Variants in ATM observed in about 807,000 individuals in gnomAD.
ATM encodes serine-protein kinase ATM.
Under a neutral mutation model 387.0 loss-of-function variants are expected in ATM, and 308 were observed. The ratio of observed to expected loss-of-function variants is 0.80; its 90% CI spans 0.73 to 0.87. The LOEUF (loss-of-function observed/expected upper bound fraction) is 0.87, where lower values mean the gene tolerates loss of function less well. Ranked by LOEUF, ATM falls within the 40% of genes least tolerant of loss-of-function variation. ATM has a pLI of 0.00. For missense variants in ATM, 3,312 were observed against 3,560.9 expected (o/e 0.93, Z 1.78); for synonymous variants, 1,156 against 1,187.3 (o/e 0.97, Z 0.54).
intron 4 of ATM, among the ~76,000 whole-genome samples, chr11:108,231,977 T>G (rs2135074801): frequency 6.6e-6 from 1 of 152,324 alleles, no homozygotes; most frequent in South Asian, 2.1e-4. Flanking sequence ...GTAAAATATT[T>G]TATTTGCTAA....
rs2135366155 is a variant in ATM at position 108,253,832 on chromosome 11, TAAA to T, written c.1918_1920del (p.Lys640del). The T allele has an allele frequency of 6.2e-7, 1 of 1,613,674 alleles. No individual in the cohort carries two copies. The highest frequency in any genetic ancestry group is 8.5e-7 in the Non-Finnish European group (1 of 1,179,860). ...CTTGAAGTGAACACCACCAAAAAGA[TAAA>T]GAAGAACTTTCATTCTCAGAAGTAG... On this transcript the variant is annotated inframe_deletion, in exon 13 of 63. Coordinates refer to ENST00000675843, the MANE Select transcript of ATM (RefSeq NM_000051.4).
rs913445347 is a variant in ATM, at chr11:108,258,032, G to A, written c.2376+426G>A. Among the ~76,000 whole-genome samples, 3 of 152,130 alleles carry A rather than the reference G, an allele frequency of 2.0e-5. No homozygotes were observed. The South Asian group carries it at 6.3e-4, about 32-fold the overall frequency. On this transcript the variant is annotated intron_variant, in intron 15 of 62. Coordinates refer to ENST00000675843, the MANE Select transcript of ATM (RefSeq NM_000051.4). ...CCACCTCAGCCTCCTTAGTAGCTGG[G>A]ACTACAAGTGTACACCACCATGCCT...
rs2082213882 is a variant in ATM at position 108,281,154 on chromosome 11, C to T, written c.3562C>T (p.His1188Tyr). ...TGTGAAAGAGAATGGATTAGAACCT[C>T]ACCTTGTGAAAAAGGTATATATGGA... is the stretch of plus-strand genomic sequence containing the variant. Reference protein sequence around the residue: ...KSVKENGLEPHLVKKVLEKVS... With the variant: ...KSVKENGLEPYLVKKVLEKVS... The change falls in exon 24 of 63, where the codon CAC (histidine) becomes TAC (tyrosine). Residue 1188 changes from histidine to tyrosine, a missense_variant. This residue lies in a region of ATM where 1,791 missense variants were observed against 1,804.5 expected (regional missense o/e 0.99). Coordinates refer to ENST00000675843, the MANE Select transcript of ATM (RefSeq NM_000051.4). The T allele has an allele frequency of 6.2e-7, 1 of 1,613,866 alleles. No individual in the cohort carries two copies. Among genetic ancestry groups the T allele is most frequent in the Non-Finnish European group, 8.5e-7 (1 of 1,179,900 alleles).
In ATM at chr11:108,329,090, T is replaced by TAGCC. The variant is rs1591150887; in HGVS notation, c.7159_7160insAGCC (p.Phe2387Ter). On this transcript the variant is annotated stop_gained and frameshift_variant, in exon 49 of 63. Transcript: ENST00000675843. LOFTEE classifies it high-confidence loss of function. ...GCTAAGAAATGGAAAAATGAAGGCATTTCTCTCATTAGCCCGGTTTTCAGA... is the reference window on the plus strand; with the variant it reads ...GCTAAGAAATGGAAAAATGAAGGCATAGCCTTCTCTCATTAGCCCGGTTTTCAGA... 6.2e-7 allele frequency: 1 copy of TAGCC among 1,614,102 alleles called. No homozygotes were observed. The highest frequency in any genetic ancestry group is 8.5e-7 in the Non-Finnish European group (1 of 1,180,012).
rs186529499 is a variant in ATM, at chr11:108,312,199, C to T, written c.5919-212C>T. 1.6e-4 allele frequency among the ~76,000 whole-genome samples: 25 copies of T among 152,224 alleles called. No homozygotes were observed. In the East Asian group the frequency reaches 4.6e-3, roughly 28 times the overall value. ...AATCATATTTTTGCATATAGGCTTC[C>T]CATATGTAGATTATTCTTAAAATAT... On this transcript the variant is annotated intron_variant, in intron 39 of 62. Transcript: ENST00000675843.
At position 108,312,656 on chromosome 11, in the gene ATM, T is replaced by TA. The variant is rs2084276484; in HGVS notation, c.6006+159dup. On this transcript the variant is annotated intron_variant, in intron 40 of 62. Transcript: ENST00000675843. ...AAATTATGGTCTGAAGCTTAAGCCT[T>TA]AGAGTAGACAGACTTGAGTTCTAAT... Among the ~76,000 whole-genome samples, 3 of 147,844 alleles carry TA rather than the reference T, an allele frequency of 2.0e-5. No homozygotes were observed. In the South Asian group the frequency reaches 6.7e-4, roughly 33 times the overall value.
chr11:108,328,796 G>A (rs2085951064), intron 48 of ATM, among the ~76,000 whole-genome samples: 2 of 152,140 alleles, frequency 1.3e-5, no homozygotes, highest in Admixed American at 6.5e-5. Flanking sequence ...ATCTCATAAT[G>A]TTTTAAGAAA....
intron 45 of ATM, among the ~76,000 whole-genome samples, chr11:108,322,536 G>A (rs1209353918): frequency 6.6e-6 from 1 of 152,176 alleles, no homozygotes; most frequent in Non-Finnish European, 1.5e-5. Context: ...TTTGTAAAAG[G>A]TGTTCAGAAG....
At chr11:108,300,043 AT>A (rs1268005408) in intron 34 of ATM, among the ~76,000 whole-genome samples, 158 bp downstream of exon 34, 1 of 152,196 alleles carries the variant, frequency 6.6e-6, no homozygotes, top group Non-Finnish European at 1.5e-5. Context: ...TCACATAATT[AT>A]TTACCCTACT....
At chr11:108,287,519 A>T in intron 26 of ATM, 81 bp from the exon 27 acceptor site, 1 of 831,398 alleles carries the variant, frequency 1.2e-6, no homozygotes, top group South Asian at 1.7e-5. Context: ...TTTTGGAAAT[A>T]AGGTAATATA....
chr11:108,363,589 G>A (rs1330843294), intron 61 of ATM, among the ~76,000 whole-genome samples: 1 of 152,140 alleles, frequency 6.6e-6, no homozygotes, highest in Non-Finnish European at 1.5e-5. Flanking sequence ...AGAGGCCAGG[G>A]ATGCTGCTGA....
intron 55 of ATM, 194 bp downstream of exon 55, chr11:108,335,303 A>G: frequency 1.3e-6 from 2 of 1,492,516 alleles, no homozygotes; most frequent in Non-Finnish European, 1.8e-6. Flanking sequence ...CTGAAAGACA[A>G]TCATTATTAT....
chr11:108,255,645 C>T (rs761802064), intron 13 of ATM, among the ~76,000 whole-genome samples: 3 of 151,962 alleles, frequency 2.0e-5, no homozygotes, highest in Non-Finnish European at 2.9e-5. Flanking sequence ...AGGTTGGTCT[C>T]GAACTCCTGA....
chr11:108,291,730 G>C (rs2082806033), intron 29 of ATM, among the ~76,000 whole-genome samples: 1 of 152,292 alleles, frequency 6.6e-6, no homozygotes, highest in South Asian at 2.1e-4. Context: ...CATGAGAGGA[G>C]AAAACTTTTC....
chr11:108,359,267 C>T (rs2090417658), intron 61 of ATM, among the ~76,000 whole-genome samples: 1 of 151,446 alleles, frequency 6.6e-6, no homozygotes, highest in South Asian at 2.1e-4. Context: ...ATATATGCAC[C>T]CAATACAGGA....
intron 5 of ATM, 63 bp downstream of exon 5, chr11:108,235,897 G>C (rs1307902745): frequency 1.2e-5 from 19 of 1,573,094 alleles, no homozygotes; most frequent in Non-Finnish European, 1.7e-5. Flanking sequence ...ACCAAAGAAA[G>C]CACTCTGTCT....
In ATM at chr11:108,227,629, G is replaced by A. The variant is rs730881360; in HGVS notation, c.5G>A (p.Ser2Asn). The A allele has an allele frequency of 1.9e-6, 3 of 1,613,280 alleles. No homozygotes were observed. Among genetic ancestry groups the A allele is most frequent in the Non-Finnish European group, 2.5e-6 (3 of 1,179,750 alleles). MSLVLNDLLICC... is the reference protein window; with the variant it reads MNLVLNDLLICC... ...TGTGTTCTGAAATTGTGAACCATGA[G>A]TCTAGTACTTAATGATCTGCTTATC... Residue 2 changes from serine to asparagine, a missense_variant, in exon 2 of 63, where the codon AGT becomes AAT. By Grantham distance (46) the Ser-to-Asn change is conservative. Coordinates refer to ENST00000675843, the MANE Select transcript of ATM (RefSeq NM_000051.4).
intron 47 of ATM, among the ~76,000 whole-genome samples, chr11:108,327,103 C>T (rs1031931843): frequency 2.6e-5 from 4 of 152,192 alleles, no homozygotes; most frequent in Non-Finnish European, 5.9e-5. Flanking sequence ...GCTGGGATTA[C>T]AGGCGTGAGC....
At chr11:108,307,834 A>G (rs2083808860) in intron 37 of ATM, 63 bp from the exon 38 acceptor site, 2 of 1,425,062 alleles carry the variant, frequency 1.4e-6, no homozygotes, top group Admixed American at 1.7e-5. Context: ...CACATAAACA[A>G]GAAGGAAGAA....
Sources: allele counts gnomAD v4.1 joint callset (sites outside exome capture counted in the v4.1 genomes callset), GRCh38; gene constraint gnomAD v4.1.1; regional missense constraint gnomAD v4.1.1; transcripts MANE v1.5; gene names NCBI Gene and HGNC (gene_info 2026-07-23, HGNC 2026-07-21).